The following ACAD10 variants were observed in gnomAD, a reference collection of about 807,000 sequenced individuals.
ACAD10 encodes the protein ACAD-10.
A neutral mutation model predicts 116.8 loss-of-function variants in ACAD10; 112 were observed. The observed-to-expected ratio is 0.96, with a 90% CI of 0.82 to 1.12. ACAD10 has a LOEUF of 1.12. ACAD10 is among the 50% of genes most tolerant of loss of function. The pLI is 0.00. For synonymous variants in ACAD10, 486 were observed against 510.6 expected (o/e 0.95, Z 0.65); for missense variants, 1,259 against 1,350.2 (o/e 0.93, Z 1.06).
intron 18 of ACAD10, 121 bp from the exon 19 acceptor site, chr12:111,753,651 C>T (rs1772576622): frequency 7.4e-7 from 1 of 1,343,682 alleles, no homozygotes; most frequent in Non-Finnish European, 1.1e-6. Flanking sequence ...GTCCTGGTTT[C>T]ACTCTCCTCC....
At chr12:111,744,346 C>A (rs1889828678) in intron 12 of ACAD10, among the ~76,000 whole-genome samples, 1 of 152,178 alleles carries the variant, frequency 6.6e-6, no homozygotes, top group Non-Finnish European at 1.5e-5. Context: ...AAGCAGAGAT[C>A]AAGAGCAGGG....
intron 4 of ACAD10, among the ~76,000 whole-genome samples, chr12:111,708,969 ATGG>A (rs1272792954): frequency 6.6e-6 from 1 of 151,732 alleles, no homozygotes; most frequent in African/African-American, 2.4e-5. Context: ...TAAATGGAGT[ATGG>A]ATGGGTTTTT....
chr12:111,716,213 C>T (rs1050081680), intron 7 of ACAD10, among the ~76,000 whole-genome samples: 19 of 152,054 alleles, frequency 1.2e-4, no homozygotes, highest in African/African-American at 4.3e-4. Flanking sequence ...CCCCATCCCC[C>T]CCCAAAAAAA....
intron 2 of ACAD10, among the ~76,000 whole-genome samples, chr12:111,700,062 A>AT (rs1439495064): frequency 6.6e-6 from 1 of 152,194 alleles, no homozygotes; most frequent in African/African-American, 2.4e-5. Context: ...TTTATTTACG[A>AT]AAATAGGTAG....
intron 2 of ACAD10, among the ~76,000 whole-genome samples, chr12:111,695,487 G>A (rs1393255302): frequency 6.6e-6 from 1 of 152,136 alleles, no homozygotes; most frequent in Non-Finnish European, 1.5e-5. Context: ...TGTTTGCAGT[G>A]GGATATGTTC....
intron 18 of ACAD10, among the ~76,000 whole-genome samples, chr12:111,752,278 TTTGTTG>T (rs140625855): frequency 4.6e-5 from 7 of 151,466 alleles, no homozygotes; most frequent in Non-Finnish European, 8.8e-5. Flanking sequence ...AAAATAATGT[TTTGTTG>T]TTGTTGTTGT....
At chr12:111,724,100 A>G (rs1889138451) in intron 8 of ACAD10, among the ~76,000 whole-genome samples, 1 of 148,740 alleles carries the variant, frequency 6.7e-6, no homozygotes, top group African/African-American at 2.5e-5. Flanking sequence ...CTCACTTCCT[A>G]GATGGGATGG....
intron 3 of ACAD10, 133 bp from the exon 4 acceptor site, chr12:111,705,605 G>A: frequency 3.8e-6 from 3 of 780,948 alleles, no homozygotes; most frequent in Admixed American, 5.7e-5. Context: ...CCTGCAGGCA[G>A]CAAGCTATGA....
At chr12:111,717,636 C>A (rs1177187079) in intron 7 of ACAD10, among the ~76,000 whole-genome samples, 1 of 150,780 alleles carries the variant, frequency 6.6e-6, no homozygotes. Flanking sequence ...TGTGATGATA[C>A]CTCACTATAA....
At chr12:111,729,703 CA>C (rs1281507877) in intron 9 of ACAD10, 102 bp from the exon 10 acceptor site, 42 of 1,353,220 alleles carry the variant, frequency 3.1e-5, no homozygotes, top group Non-Finnish European at 4.1e-5. Flanking sequence ...CTGCACCACC[CA>C]GTGCAGAGCA....
intron 4 of ACAD10, among the ~76,000 whole-genome samples, chr12:111,708,716 GCTATAGGAGATTGGGCCCACT>G (rs1233447624): frequency 6.6e-6 from 1 of 152,058 alleles, no homozygotes; most frequent in Non-Finnish European, 1.5e-5. Flanking sequence ...AGGCTATGTG[GCTATAGGAGATTGGGCCCACT>G]CTATAGGAGA....
At chr12:111,716,607 CA>C (rs562707548) in intron 7 of ACAD10, among the ~76,000 whole-genome samples, 20 of 152,310 alleles carry the variant, frequency 1.3e-4, no homozygotes, top group East Asian at 1.2e-3. Flanking sequence ...ATAGTCCCAG[CA>C]CTTTGGGAGG....
At chr12:111,753,729 C>G (rs1311829229) in intron 18 of ACAD10, 43 bp from the exon 19 acceptor site, 2 of 1,613,484 alleles carry the variant, frequency 1.2e-6, no homozygotes, top group Admixed American at 1.7e-5. Flanking sequence ...GTGGCCACCC[C>G]CAGCCCAGCA....
Position 111,718,036 on chromosome 12 carries a change from C to CTTTTTTTTTTTTTTTTTTTTTTTTTTTT in ACAD10, c.992+2078_992+2105dup, listed in dbSNP as rs560344796. On this transcript the variant is annotated intron_variant, in intron 7 of 20. Transcript: ENST00000313698. ...TATACGTAGGATCTATAGTGATATC[C>CTTTTTTTTTTTTTTTTTTTTTTTTTTTT]TTTTTTTTTTTTTTTTTTTTTTTTT... Among the ~76,000 whole-genome samples the CTTTTTTTTTTTTTTTTTTTTTTTTTTTT allele has an allele frequency of 6.3e-5, 4 of 63,676 alleles. 1 individual carries two copies. The highest frequency in any genetic ancestry group is 3.3e-4 in the African/African-American group (4 of 12,206). 41.8% of individuals were successfully genotyped at this position (63,676 alleles called of 152,430 possible).
At chr12:111,722,892 G>A (rs1889061230) in intron 8 of ACAD10, among the ~76,000 whole-genome samples, 1 of 152,082 alleles carries the variant, frequency 6.6e-6, no homozygotes, top group Admixed American at 6.5e-5. Flanking sequence ...TTCTCAATGA[G>A]CTGTTGGGCA....
intron 12 of ACAD10, among the ~76,000 whole-genome samples, chr12:111,740,230 G>A (rs1211491323): frequency 2.0e-5 from 3 of 152,196 alleles, no homozygotes; most frequent in South Asian, 2.1e-4. Context: ...CTGGGAGGCC[G>A]AAGTAGGTGG....
At position 111,712,529 on chromosome 12, in the gene ACAD10, TAGA is replaced by T. The variant is rs748006108; in HGVS notation, c.725_727del (p.Glu242del). On this transcript the variant is annotated inframe_deletion, in exon 6 of 21. Coordinates refer to ENST00000313698, the MANE Select transcript of ACAD10 (RefSeq NM_025247.6). Reference sequence around the variant, plus strand: ...GACCCAGAGACTGCAGTAAAGGAATTAGAAGCTCTCTTGGGTTTTACATTGAGA... The same window carrying T: ...GACCCAGAGACTGCAGTAAAGGAATTAGCTCTCTTGGGTTTTACATTGAGA... 7 of 1,613,982 alleles carry T rather than the reference TAGA, an allele frequency of 4.3e-6. No homozygotes were observed. The highest frequency in any genetic ancestry group is 5.1e-6 in the Non-Finnish European group (6 of 1,179,990).
At chr12:111,754,431 G>A (rs531209865) in intron 19 of ACAD10, among the ~76,000 whole-genome samples, 11 of 152,230 alleles carry the variant, frequency 7.2e-5, no homozygotes, top group African/African-American at 2.6e-4. Flanking sequence ...GACTCCAGGC[G>A]CAAACCTCCA....
chr12:111,738,686 G>A (rs1202093582), intron 12 of ACAD10, among the ~76,000 whole-genome samples: 1 of 151,934 alleles, frequency 6.6e-6, no homozygotes, highest in Non-Finnish European at 1.5e-5. Flanking sequence ...GGCCAACATG[G>A]TGAAACCACA....
Sources: gnomAD v4.1 joint callset for allele counts (sites outside exome capture counted in the v4.1 genomes callset) on GRCh38, gnomAD v4.1.1 for gene constraint, MANE v1.5 for transcripts, NCBI Gene and HGNC (gene_info 2026-07-23, HGNC 2026-07-21) for gene names.